The following GPR158 variants were observed in gnomAD, a reference collection of about 807,000 sequenced individuals.
GPR158 encodes metabotropic glycine receptor.
GPR158 carries 30 observed loss-of-function variants against 78.2 expected under a neutral mutation model. That is an observed-to-expected ratio of 0.38 (90% CI 0.29 to 0.52). GPR158 has a LOEUF of 0.52. Ranked by LOEUF, GPR158 falls within the 20% of genes least tolerant of loss-of-function variation. GPR158 has a pLI of 0.83. For synonymous variants in GPR158, 581 were observed against 591.1 expected, an observed-to-expected ratio of 0.98 and a Z score of 0.25; for missense variants, 1,463 against 1,523.5, an observed-to-expected ratio of 0.96 and a Z score of 0.66.
chr10:25,424,942 G>A (rs1055239473), intron 4 of GPR158, among the ~76,000 whole-genome samples: 7 of 152,298 alleles, frequency 4.6e-5, no homozygotes, highest in African/African-American at 1.7e-4. Context: ...TAGCTTGATG[G>A]GGATGGCATT....
At chr10:25,221,476 G>C (rs2807235) in intron 2 of GPR158, among the ~76,000 whole-genome samples, 21,744 of 152,108 alleles carry the variant, frequency 0.14, 1,964 homozygotes, top group East Asian at 0.29. Context: ...AATGGTCAAA[G>C]AAATTATGAC....
At chr10:25,411,734 G>A (rs958979953) in intron 3 of GPR158, among the ~76,000 whole-genome samples, 3 of 151,920 alleles carry the variant, frequency 2.0e-5, no homozygotes, top group African/African-American at 7.2e-5. Context: ...CGGAGATCGA[G>A]ACCATTCTGG....
rs1202468596 is a variant in GPR158 at position 25,203,807 on chromosome 10, T to G, written c.903-17245T>G. On this transcript the variant is annotated intron_variant, in intron 1 of 10. Coordinates refer to ENST00000376351, the MANE Select transcript of GPR158 (RefSeq NM_020752.3). ...CAAATTCTGTGAAGAAAGTCATTGG[T>G]AGCTTGATGGGGATGGCACTGAATC... 9.0e-5 allele frequency among the ~76,000 whole-genome samples: 13 copies of G among 144,862 alleles called. 3 individuals carry two copies. The highest frequency in any genetic ancestry group is 2.1e-4 in the Admixed American group (3 of 14,238).
chr10:25,241,414 T>C (rs12356689), intron 2 of GPR158, among the ~76,000 whole-genome samples: 1,616 of 54,108 alleles, frequency 0.03, 87 homozygotes, highest in African/African-American at 0.096. Flanking sequence ...CTCTTCTCTT[T>C]TCTTTTCTTT....
chr10:25,571,498 A>G (rs7922110), intron 6 of GPR158, among the ~76,000 whole-genome samples: 7 of 152,140 alleles, frequency 4.6e-5, no homozygotes, highest in African/African-American at 1.7e-4. Context: ...TATTCAAAGA[A>G]TGAAGTGAAG....
chr10:25,472,949 C>T (rs1458903889), intron 5 of GPR158, among the ~76,000 whole-genome samples: 3 of 152,108 alleles, frequency 2.0e-5, no homozygotes, highest in East Asian at 1.9e-4. Context: ...CCTTTATTTC[C>T]TTCTCCTGCC....
At chr10:25,428,826 A>G (rs1834857643) in intron 4 of GPR158, among the ~76,000 whole-genome samples, 1 of 152,100 alleles carries the variant, frequency 6.6e-6, no homozygotes, top group East Asian at 1.9e-4. Context: ...TTTTATTTGC[A>G]TAACAGTTTA....
intron 2 of GPR158, among the ~76,000 whole-genome samples, chr10:25,279,036 TAGA>T (rs1272084547): frequency 7.2e-5 from 11 of 152,098 alleles, no homozygotes; most frequent in Non-Finnish European, 1.2e-4. Flanking sequence ...TATGTGATAT[TAGA>T]AGAAGTTCTA....
chr10:25,338,387 C>CTA (rs1358160170), intron 2 of GPR158, among the ~76,000 whole-genome samples: 2 of 137,350 alleles, frequency 1.5e-5, no homozygotes, highest in Non-Finnish European at 3.0e-5. Flanking sequence ...ATATATCTCT[C>CTA]TCTATATATA....
At chr10:25,563,941 T>C (rs6482495) in intron 6 of GPR158, among the ~76,000 whole-genome samples, 44,129 of 151,966 alleles carry the variant, frequency 0.29, 7,147 homozygotes, top group Non-Finnish European at 0.37. Flanking sequence ...TAATCTTGTT[T>C]CTTTGCGTGC....
intron 1 of GPR158, among the ~76,000 whole-genome samples, chr10:25,203,449 T>C (rs1209419444): frequency 2.6e-5 from 4 of 152,116 alleles, no homozygotes; most frequent in Admixed American, 2.6e-4. Context: ...AAGGAAGGGA[T>C]CCAGTTTCAG....
intron 5 of GPR158, among the ~76,000 whole-genome samples, chr10:25,521,185 C>A (rs150870731): frequency 1.3e-5 from 2 of 152,224 alleles, no homozygotes; most frequent in Non-Finnish European, 1.5e-5. Flanking sequence ...TGACCCCTTG[C>A]GCTTCCCAGG....
intron 2 of GPR158, among the ~76,000 whole-genome samples, chr10:25,323,657 G>A (rs113769428): frequency 0.015 from 2,312 of 151,780 alleles, 69 homozygotes; most frequent in African/African-American, 0.053. Context: ...AGTACTGTAG[G>A]TGTGCACCAC....
At chr10:25,179,578 T>G (rs2130626452) in intron 1 of GPR158, among the ~76,000 whole-genome samples, 1 of 152,294 alleles carries the variant, frequency 6.6e-6, no homozygotes, top group East Asian at 1.9e-4. Flanking sequence ...TATTGCTGTT[T>G]ATCACTGTAA....
At chr10:25,589,559 CAT>C (rs1374914195) in intron 8 of GPR158, among the ~76,000 whole-genome samples, 1 of 152,100 alleles carries the variant, frequency 6.6e-6, no homozygotes, top group Non-Finnish European at 1.5e-5. Flanking sequence ...TCTCAATAGA[CAT>C]ATAGACAACT....
intron 2 of GPR158, among the ~76,000 whole-genome samples, chr10:25,301,238 G>A (rs1564415352): frequency 1.3e-5 from 2 of 152,174 alleles, no homozygotes; most frequent in Non-Finnish European, 2.9e-5. Context: ...TCAACGAATA[G>A]ACTGCCACAG....
At chr10:25,509,071 G>A (rs67192203) in intron 5 of GPR158, among the ~76,000 whole-genome samples, 8,915 of 152,222 alleles carry the variant, frequency 0.059, 308 homozygotes, top group Admixed American at 0.093. Context: ...TTCTTTGTTG[G>A]TGGAGGGGGT....
At chr10:25,365,444 C>T (rs1372060229) in intron 2 of GPR158, among the ~76,000 whole-genome samples, 1 of 151,656 alleles carries the variant, frequency 6.6e-6, no homozygotes, top group Non-Finnish European at 1.5e-5. Context: ...TGCAAAATTT[C>T]ACTGGGGAAA....
chr10:25,589,340 T>A (rs1024808231), intron 8 of GPR158, among the ~76,000 whole-genome samples, 195 bp downstream of exon 8: 2 of 152,242 alleles, frequency 1.3e-5, no homozygotes, highest in East Asian at 3.8e-4. Flanking sequence ...CCTTCGGCTG[T>A]GTTGTTTATT....
Sources: allele counts gnomAD v4.1 joint callset (sites outside exome capture counted in the v4.1 genomes callset), GRCh38; gene constraint gnomAD v4.1.1; transcripts MANE v1.5; gene names NCBI Gene and HGNC (gene_info 2026-07-23, HGNC 2026-07-21).